The following CAMK4 variants were observed in gnomAD, a reference collection of about 807,000 sequenced individuals.
CAMK4 encodes calcium/calmodulin dependent protein kinase IV.
A neutral mutation model predicts 44.9 loss-of-function variants in CAMK4; 22 were observed. The observed-to-expected ratio is 0.49, with a 90% CI of 0.35 to 0.70. CAMK4 has a LOEUF of 0.70. Ranked by LOEUF, CAMK4 falls within the 30% of genes least tolerant of loss-of-function variation. The pLI, the probability that CAMK4 is intolerant of heterozygous loss-of-function variation, is 0.01. For missense variants in CAMK4, 498 were observed against 586.8 expected, an observed-to-expected ratio of 0.85 and a Z score of 1.56; for synonymous variants, 218 against 215.4, an observed-to-expected ratio of 1.01 and a Z score of -0.11.
At chr5:111,323,994 G>A (rs1327653999) in intron 1 of CAMK4, among the ~76,000 whole-genome samples, 1 of 151,932 alleles carries the variant, frequency 6.6e-6, no homozygotes, top group Admixed American at 6.6e-5. Context: ...TGGAATTACT[G>A]TTTTAAGATG....
chr5:111,435,044 G>C (rs949328978), intron 5 of CAMK4, among the ~76,000 whole-genome samples: 2 of 152,118 alleles, frequency 1.3e-5, no homozygotes, highest in Admixed American at 1.3e-4. Flanking sequence ...GTTTTTGTTA[G>C]ACCGTAGAGA....
At chr5:111,227,938 C>A (rs1405465503) in intron 1 of CAMK4, among the ~76,000 whole-genome samples, 32 of 152,114 alleles carry the variant, frequency 2.1e-4, no homozygotes, top group Non-Finnish European at 4.4e-5. Flanking sequence ...GGTCTTTTGC[C>A]CAGTGATTTG....
At chr5:111,259,719 C>T (rs1269789379) in intron 1 of CAMK4, among the ~76,000 whole-genome samples, 3 of 152,230 alleles carry the variant, frequency 2.0e-5, no homozygotes, top group Admixed American at 1.3e-4. Context: ...ACAAAAAGTT[C>T]CCCTGTATAA....
At chr5:111,466,448 C>T (rs1232521352) in intron 7 of CAMK4, among the ~76,000 whole-genome samples, 1 of 151,908 alleles carries the variant, frequency 6.6e-6, no homozygotes, top group Non-Finnish European at 1.5e-5. Context: ...CCTACAAAAC[C>T]CTAAAGACTC....
In CAMK4 at chr5:111,449,110, T is replaced by C; in HGVS notation, c.551-19T>C. 1 of 1,202,844 alleles carries C rather than the reference T, an allele frequency of 8.3e-7. No individual in the cohort carries two copies. Among genetic ancestry groups the C allele is most frequent in the East Asian group, 2.3e-5 (1 of 42,834 alleles). The allele number at this position is 1,202,844 out of a possible 1,614,324, so 74.5% of individuals were successfully genotyped here. On this transcript the variant is annotated intron_variant, in intron 6 of 10. Transcript: ENST00000282356. Reference sequence around the variant, plus strand: ...GCTGAGAAGACGTGCTTCATTAAATTTTTTTCTTGTGTTATTAGCTGATTT... The same window carrying C: ...GCTGAGAAGACGTGCTTCATTAAATCTTTTTCTTGTGTTATTAGCTGATTT...
At chr5:111,475,184 C>T (rs1054959308) in intron 8 of CAMK4, among the ~76,000 whole-genome samples, 1 of 151,842 alleles carries the variant, frequency 6.6e-6, no homozygotes, top group Admixed American at 6.6e-5. Flanking sequence ...CAAAACAAAA[C>T]AAAAGAAAAA....
At chr5:111,383,838 A>G in intron 4 of CAMK4, among the ~76,000 whole-genome samples, 1 of 152,170 alleles carries the variant, frequency 6.6e-6, no homozygotes, top group East Asian at 1.9e-4. Flanking sequence ...TGTTCCTTTG[A>G]TACACACTAC....
intron 1 of CAMK4, among the ~76,000 whole-genome samples, chr5:111,269,791 G>A (rs1750423413): frequency 6.6e-6 from 1 of 152,118 alleles, no homozygotes; most frequent in Non-Finnish European, 1.5e-5. Flanking sequence ...GTACTTGTGG[G>A]TCTGCTGTTT....
At chr5:111,431,076 C>G (rs1753424683) in intron 5 of CAMK4, among the ~76,000 whole-genome samples, 1 of 152,112 alleles carries the variant, frequency 6.6e-6, no homozygotes, top group Non-Finnish European at 1.5e-5. Flanking sequence ...TACCTGACTT[C>G]AAATTATACT....
At chr5:111,394,652 A>T in intron 4 of CAMK4, 58 bp from the exon 5 acceptor site, 1 of 1,101,752 alleles carries the variant, frequency 9.1e-7, no homozygotes, top group Non-Finnish European at 1.4e-6. Flanking sequence ...AACTTCTTTT[A>T]ATATCCATTC....
intron 2 of CAMK4, among the ~76,000 whole-genome samples, chr5:111,363,995 C>T (rs998009796): frequency 6.6e-6 from 1 of 152,046 alleles, no homozygotes; most frequent in Non-Finnish European, 1.5e-5. Context: ...AATATTATAA[C>T]ATTGCTGTTG....
intron 5 of CAMK4, among the ~76,000 whole-genome samples, chr5:111,440,507 G>A (rs1326351854): frequency 6.6e-6 from 1 of 152,056 alleles, no homozygotes; most frequent in Non-Finnish European, 1.5e-5. Context: ...AGAAAATTCA[G>A]TACACATTTC....
intron 1 of CAMK4, among the ~76,000 whole-genome samples, chr5:111,249,059 C>T (rs1749363918): frequency 6.6e-6 from 1 of 152,122 alleles, no homozygotes; most frequent in African/African-American, 2.4e-5. Flanking sequence ...ATTAGAAAAG[C>T]ACTGGCTCAA....
At chr5:111,258,452 G>C (rs1007789786) in intron 1 of CAMK4, among the ~76,000 whole-genome samples, 2 of 152,162 alleles carry the variant, frequency 1.3e-5, no homozygotes, top group African/African-American at 4.8e-5. Context: ...GGCTGGGGAG[G>C]CCTCAGAATC....
At position 111,325,012 on chromosome 5, in the gene CAMK4, C is replaced by G. The variant is rs549024771; in HGVS notation, c.162-19012C>G. Among the ~76,000 whole-genome samples the G allele has an allele frequency of 2.4e-3, 369 of 151,904 alleles. 3 individuals carry two copies. The highest frequency in any genetic ancestry group is 0.01 in the Middle Eastern group (3 of 294). On this transcript the variant is annotated intron_variant, in intron 1 of 10. Transcript: ENST00000282356. ...CGCTCCCTCCCCTTCCCCCAACCCCCCAACAGGCCATGGTGAGTGATGTTC... is the reference window on the plus strand; with the variant it reads ...CGCTCCCTCCCCTTCCCCCAACCCCGCAACAGGCCATGGTGAGTGATGTTC...
At chr5:111,460,265 C>CT (rs200566906) in intron 7 of CAMK4, among the ~76,000 whole-genome samples, 76,009 of 120,704 alleles carry the variant, frequency 0.63, 25,010 homozygotes, top group Non-Finnish European at 0.72. Flanking sequence ...CTTTTCTTTT[C>CT]TTTTTCTTTT....
At chr5:111,477,416 AT>A (rs1173291887) in intron 8 of CAMK4, among the ~76,000 whole-genome samples, 2 of 152,160 alleles carry the variant, frequency 1.3e-5, no homozygotes, top group African/African-American at 4.8e-5. Flanking sequence ...CTTTGGGAAA[AT>A]GTCTTTTATT....
chr5:111,257,299 T>G (rs2112553367), intron 1 of CAMK4, among the ~76,000 whole-genome samples: 1 of 152,148 alleles, frequency 6.6e-6, no homozygotes, highest in African/African-American at 2.4e-5. Flanking sequence ...TTAAACAAAT[T>G]TACAAGAAAA....
chr5:111,477,581 C>T (rs1273190536), intron 8 of CAMK4, among the ~76,000 whole-genome samples: 1 of 152,170 alleles, frequency 6.6e-6, no homozygotes, highest in Non-Finnish European at 1.5e-5. Flanking sequence ...ACAAACAACT[C>T]GCTTTTCCTT....
Sources: allele counts gnomAD v4.1 joint callset (sites outside exome capture counted in the v4.1 genomes callset), GRCh38; gene constraint gnomAD v4.1.1; transcripts MANE v1.5; gene names NCBI Gene and HGNC (gene_info 2026-07-23, HGNC 2026-07-21).